Variants in EPHA3 observed in about 807,000 individuals in gnomAD.
EPHA3 encodes EPH receptor A3, also known as ephrin type-A receptor 3.
Under a neutral mutation model 107.1 loss-of-function variants are expected in EPHA3, and 42 were observed. The ratio of observed to expected loss-of-function variants is 0.39; its 90% CI spans 0.31 to 0.51. The LOEUF is 0.51. EPHA3 is among the 20% of genes least tolerant of loss of function. The pLI, the probability that EPHA3 is intolerant of heterozygous loss-of-function variation, is 0.78. For synonymous variants in EPHA3, 461 were observed against 424.8 expected (o/e 1.09, Z -1.05); for missense variants, 1,183 against 1,211.2 (o/e 0.98, Z 0.35).
At chr3:89,151,243 C>T (rs1576186523) in intron 2 of EPHA3, among the ~76,000 whole-genome samples, 1 of 151,922 alleles carries the variant, frequency 6.6e-6, no homozygotes, top group South Asian at 2.1e-4. Flanking sequence ...AGAAGAAACC[C>T]GATTTTTATT....
intron 3 of EPHA3, among the ~76,000 whole-genome samples, chr3:89,266,030 A>G (rs1168078296): frequency 6.6e-6 from 1 of 152,176 alleles, no homozygotes; most frequent in Non-Finnish European, 1.5e-5. Flanking sequence ...CAGAAGATAT[A>G]TAAACACAAT....
At chr3:89,195,644 G>T (rs1183515437) in intron 2 of EPHA3, among the ~76,000 whole-genome samples, 2 of 151,982 alleles carry the variant, frequency 1.3e-5, no homozygotes, top group Non-Finnish European at 2.9e-5. Context: ...TCAAAAATTA[G>T]TTCATTTATT....
intron 3 of EPHA3, among the ~76,000 whole-genome samples, chr3:89,258,171 TC>T (rs1421858369): frequency 6.6e-6 from 1 of 152,054 alleles, no homozygotes; most frequent in African/African-American, 2.4e-5. Context: ...GACAAATCCA[TC>T]CAGATTGTAG....
At position 89,445,221 on chromosome 3, in the gene EPHA3, G is replaced by A. The variant is rs1254420400; in HGVS notation, c.2347-4004G>A. On this transcript the variant is annotated intron_variant, in intron 13 of 16. Coordinates refer to ENST00000336596, the MANE Select transcript of EPHA3 (RefSeq NM_005233.6). ...GGGGAGGTTGCAGTGAGCCGAGAACGCACTGCACCACCGCATTCCAGACCT... is the reference window on the plus strand; with the variant it reads ...GGGGAGGTTGCAGTGAGCCGAGAACACACTGCACCACCGCATTCCAGACCT... 3.3e-5 allele frequency among the ~76,000 whole-genome samples: 5 copies of A among 152,136 alleles called. No individual in the cohort carries two copies. The East Asian group carries it at 5.8e-4, about 18-fold the overall frequency.
At chr3:89,453,751 C>A (rs1710042076) in intron 15 of EPHA3, among the ~76,000 whole-genome samples, 1 of 151,972 alleles carries the variant, frequency 6.6e-6, no homozygotes, top group East Asian at 1.9e-4. Flanking sequence ...ATTAAAATGA[C>A]CTCCTTCTTT....
At chr3:89,176,796 C>A (rs1705328775) in intron 2 of EPHA3, among the ~76,000 whole-genome samples, 2 of 152,050 alleles carry the variant, frequency 1.3e-5, no homozygotes, top group Admixed American at 1.3e-4. Context: ...TGGAATTTAT[C>A]TGTAATATAC....
At chr3:89,382,040 A>G (rs1228481327) in intron 5 of EPHA3, among the ~76,000 whole-genome samples, 1 of 152,190 alleles carries the variant, frequency 6.6e-6, no homozygotes, top group East Asian at 1.9e-4. Context: ...ATACATGCCA[A>G]ATAGCCAGCT....
intron 2 of EPHA3, among the ~76,000 whole-genome samples, chr3:89,156,710 T>A (rs1025107112): frequency 9.9e-5 from 15 of 151,986 alleles, no homozygotes; most frequent in African/African-American, 3.6e-4. Context: ...AAAAAGTTAG[T>A]GTGCAAAAGC....
rs779511202 is a variant in EPHA3 at position 89,107,688 on chromosome 3, C to G, written c.-61C>G. The G allele has an allele frequency of 1.6e-5, 24 of 1,490,392 alleles. No individual in the cohort carries two copies. Among genetic ancestry groups the G allele is most frequent in the African/African-American group, 4.2e-5 (3 of 72,244 alleles). 92.3% of individuals were successfully genotyped at this position (1,490,392 alleles called of 1,614,324 possible). ...TTCTCCAGCAATCAGAGCGCTCCCC[C>G]TCACATCAGTGGCATGCTTCATGGA... On this transcript the variant is annotated 5_prime_UTR_variant, in exon 1 of 17. Transcript: ENST00000336596.
intron 2 of EPHA3, among the ~76,000 whole-genome samples, chr3:89,153,507 C>A (rs1277656802): frequency 6.6e-6 from 1 of 152,036 alleles, no homozygotes; most frequent in Admixed American, 6.6e-5. Context: ...CTTCTTCCTT[C>A]CAGGTATCAG....
intron 3 of EPHA3, among the ~76,000 whole-genome samples, chr3:89,223,428 C>T (rs1238269624): frequency 1.3e-5 from 2 of 152,190 alleles, no homozygotes; most frequent in African/African-American, 2.4e-5. Flanking sequence ...CTTGAAGGCT[C>T]ATTGAGCTGC....
rs116424814 is a variant in EPHA3, at chr3:89,412,799, C to T, written c.1763-342C>T. On this transcript the variant is annotated intron_variant, in intron 9 of 16. Coordinates refer to ENST00000336596, the MANE Select transcript of EPHA3 (RefSeq NM_005233.6). The stretch of plus-strand genomic sequence containing the variant: ...ATATGCAATAGCATAATGGTGTTCA[C>T]TCACTGTTGCTCCTGGTAGTAATGA... Among the ~76,000 whole-genome samples, 1,015 of 151,860 alleles carry T rather than the reference C, an allele frequency of 6.7e-3. 4 individuals are homozygous for T. The highest frequency in any genetic ancestry group is 0.012 in the Non-Finnish European group (795 of 67,822).
chr3:89,174,300 G>T (rs937643700), intron 2 of EPHA3, among the ~76,000 whole-genome samples: 1 of 151,930 alleles, frequency 6.6e-6, no homozygotes, highest in African/African-American at 2.4e-5. Flanking sequence ...TCTGTCTCTA[G>T]GAGTGCTTAA....
At chr3:89,366,994 T>C (rs1708197471) in intron 5 of EPHA3, among the ~76,000 whole-genome samples, 1 of 150,610 alleles carries the variant, frequency 6.6e-6, no homozygotes, top group Admixed American at 6.7e-5. Flanking sequence ...TATCTTCACT[T>C]GATATTACTA....
chr3:89,211,420 A>G (rs571791878), intron 3 of EPHA3, among the ~76,000 whole-genome samples: 1 of 152,188 alleles, frequency 6.6e-6, no homozygotes, highest in South Asian at 2.1e-4. Context: ...ATAAATAAAT[A>G]TATAGGAGAA....
chr3:89,421,259 G>A (rs1028663127), intron 11 of EPHA3, among the ~76,000 whole-genome samples: 3 of 150,972 alleles, frequency 2.0e-5, no homozygotes, highest in Non-Finnish European at 4.4e-5. Context: ...TTGATGACAA[G>A]TGACTAAAAT....
intron 2 of EPHA3, among the ~76,000 whole-genome samples, chr3:89,157,218 C>T (rs1190034811): frequency 6.6e-6 from 1 of 152,004 alleles, no homozygotes. Flanking sequence ...CTTTTATGAT[C>T]GAACCACTTA....
At chr3:89,338,686 C>A (rs1384179103) in intron 3 of EPHA3, among the ~76,000 whole-genome samples, 2 of 152,118 alleles carry the variant, frequency 1.3e-5, no homozygotes, top group South Asian at 2.1e-4. Context: ...GTAGCTGGGA[C>A]CACAGGCGCC....
chr3:89,200,648 G>A (rs1705947205), intron 2 of EPHA3, among the ~76,000 whole-genome samples: 1 of 152,172 alleles, frequency 6.6e-6, no homozygotes, highest in South Asian at 2.1e-4. Flanking sequence ...ACATTTCTAA[G>A]TATGCCAGGG....
Sources: allele counts gnomAD v4.1 joint callset (sites outside exome capture counted in the v4.1 genomes callset), GRCh38; gene constraint gnomAD v4.1.1; transcripts MANE v1.5; gene names NCBI Gene and HGNC (gene_info 2026-07-23, HGNC 2026-07-21).